Variants in SPAG16 observed in about 807,000 individuals in gnomAD.
SPAG16 encodes the protein sperm associated antigen 16.
Under a neutral mutation model 80.4 loss-of-function variants are expected in SPAG16, and 86 were observed. The ratio of observed to expected loss-of-function variants is 1.07; its 90% CI spans 0.90 to 1.28. The LOEUF (loss-of-function observed/expected upper bound fraction) is 1.28, where lower values mean the gene tolerates loss of function less well. Ranked by LOEUF, SPAG16 falls within the 50% of genes most tolerant of loss-of-function variation. The pLI, the probability that SPAG16 is intolerant of heterozygous loss-of-function variation, is 0.00. For synonymous variants in SPAG16, 294 were observed against 265.9 expected, an observed-to-expected ratio of 1.11 and a Z score of -1.03; for missense variants, 870 against 765.3, an observed-to-expected ratio of 1.14 and a Z score of -1.61.
At chr2:213,806,640 G>T (rs1236453964) in intron 10 of SPAG16, among the ~76,000 whole-genome samples, 2 of 151,944 alleles carry the variant, frequency 1.3e-5, no homozygotes, top group Non-Finnish European at 2.9e-5. Flanking sequence ...TCTTCCTAAA[G>T]GTAGTCATTG....
chr2:213,999,277 C>T (rs910673555), intron 12 of SPAG16, among the ~76,000 whole-genome samples: 1 of 152,186 alleles, frequency 6.6e-6, no homozygotes, highest in Admixed American at 6.5e-5. Flanking sequence ...TGCCCTGCAT[C>T]CCAGATGCTC....
At chr2:214,042,102 T>C (rs2049064622) in intron 13 of SPAG16, among the ~76,000 whole-genome samples, 3 of 149,944 alleles carry the variant, frequency 2.0e-5, no homozygotes, top group African/African-American at 7.3e-5. Flanking sequence ...TCTTTTTTTT[T>C]TGAGACAGAG....
At chr2:213,334,412 A>G (rs1388798141) in intron 5 of SPAG16, among the ~76,000 whole-genome samples, 2 of 152,174 alleles carry the variant, frequency 1.3e-5, no homozygotes, top group African/African-American at 4.8e-5. Flanking sequence ...TCAAAAATCT[A>G]AAAATAGATC....
chr2:213,306,945 T>G (rs1466252031), intron 3 of SPAG16, among the ~76,000 whole-genome samples: 1 of 152,228 alleles, frequency 6.6e-6, no homozygotes, highest in Non-Finnish European at 1.5e-5. Flanking sequence ...TTGGTTCTTA[T>G]GAAGTTGCCT....
At chr2:213,770,823 C>T (rs926661909) in intron 10 of SPAG16, among the ~76,000 whole-genome samples, 7 of 152,116 alleles carry the variant, frequency 4.6e-5, no homozygotes, top group African/African-American at 7.2e-5. Flanking sequence ...CATAGTATTC[C>T]ATAGTGTATA....
Position 213,288,471 on chromosome 2 carries a change from A to ATT in SPAG16, c.136+3864_136+3865dup, listed in dbSNP as rs11459677. On this transcript the variant is annotated intron_variant, in intron 1 of 15. Coordinates refer to ENST00000331683, the MANE Select transcript of SPAG16 (RefSeq NM_024532.5). The stretch of plus-strand genomic sequence containing the variant: ...AGGCATCTGCCACCACACCTGGCTA[A>ATT]TTTTTTTTTTTTTGTATTTTCAGTA... Among the ~76,000 whole-genome samples, 28 of 143,068 alleles carry ATT rather than the reference A, an allele frequency of 2.0e-4. 1 individual carries two copies. The highest frequency in any genetic ancestry group is 5.5e-4 in the Admixed American group (8 of 14,466). The allele number at this position is 143,068 out of a possible 152,430, so 93.9% of individuals were successfully genotyped here. A position where few individuals can be genotyped will look rare whatever the true frequency, so the allele number is the denominator to read the frequency against.
At chr2:213,611,661 G>A (rs1007824996) in intron 10 of SPAG16, among the ~76,000 whole-genome samples, 1 of 152,054 alleles carries the variant, frequency 6.6e-6, no homozygotes. Context: ...AATGTCCAGG[G>A]TAAATGGAGT....
intron 10 of SPAG16, among the ~76,000 whole-genome samples, chr2:213,502,096 A>T (rs533536163): frequency 3.9e-5 from 6 of 152,126 alleles, no homozygotes; most frequent in Non-Finnish European, 7.4e-5. Flanking sequence ...TAAAACCTTT[A>T]AAAAAAATTC....
intron 10 of SPAG16, among the ~76,000 whole-genome samples, chr2:213,677,081 A>T (rs984620888): frequency 6.6e-6 from 1 of 152,062 alleles, no homozygotes; most frequent in African/African-American, 2.4e-5. Context: ...GTCTATTCAG[A>T]GATTCAACTT....
chr2:214,406,835 T>C (rs1176788985), intron 15 of SPAG16, among the ~76,000 whole-genome samples: 1 of 152,244 alleles, frequency 6.6e-6, no homozygotes, highest in East Asian at 1.9e-4. Flanking sequence ...AGAAAAGGTA[T>C]TGATTTACTA....
chr2:214,273,640 G>A (rs1692210361), intron 15 of SPAG16, among the ~76,000 whole-genome samples: 1 of 152,090 alleles, frequency 6.6e-6, no homozygotes, highest in African/African-American at 2.4e-5. Flanking sequence ...CCTCTGTTCT[G>A]TTCCATTGGT....
chr2:213,941,838 A>G lies in SPAG16; in HGVS notation c.1400+11693A>G, dbSNP rs546783504. On this transcript the variant is annotated intron_variant, in intron 12 of 15. Coordinates refer to ENST00000331683, the MANE Select transcript of SPAG16 (RefSeq NM_024532.5). The stretch of plus-strand genomic sequence containing the variant: ...GCTGTCATCCTTGTTTGCAATGTGG[A>G]TATTGAATCCAAGCAGAAAGTCCAG... 2.6e-5 allele frequency among the ~76,000 whole-genome samples: 4 copies of G among 152,178 alleles called. No individual in the cohort carries two copies. The East Asian group carries it at 5.8e-4, about 22-fold the overall frequency.
chr2:213,690,864 G>C (rs1318094174), intron 10 of SPAG16, among the ~76,000 whole-genome samples: 1 of 152,134 alleles, frequency 6.6e-6, no homozygotes, highest in Non-Finnish European at 1.5e-5. Context: ...GGGCTGCACT[G>C]TTGGCTTCCC....
chr2:213,975,705 A>G (rs1445182299), intron 12 of SPAG16, among the ~76,000 whole-genome samples: 3 of 152,060 alleles, frequency 2.0e-5, no homozygotes, highest in Non-Finnish European at 1.5e-5. Context: ...GAAAAATTCT[A>G]CCAAAATAGG....
Position 213,793,792 on chromosome 2 carries a change from T to C in SPAG16, c.1071-68693T>C, listed in dbSNP as rs965025325. On this transcript the variant is annotated intron_variant, in intron 10 of 15. Coordinates refer to ENST00000331683, the MANE Select transcript of SPAG16 (RefSeq NM_024532.5). ...AGTTTCTTCGCTCTGTGGTCCAGTT[T>C]GGATATCCCAGAAGTCATAAAGTAT... 1.6e-4 allele frequency among the ~76,000 whole-genome samples: 25 copies of C among 152,330 alleles called. 1 individual carries two copies. The highest frequency in any genetic ancestry group is 5.5e-4 in the African/African-American group (23 of 41,584).
chr2:214,143,234 GTTTTTTT>G (rs59910884), intron 14 of SPAG16, among the ~76,000 whole-genome samples: 9 of 112,672 alleles, frequency 8.0e-5, no homozygotes, highest in Non-Finnish European at 1.3e-4. Context: ...ATAGTTTTGG[GTTTTTTT>G]TTTTTTTTTT....
chr2:213,610,461 C>T lies in SPAG16; in HGVS notation c.1070+120371C>T, dbSNP rs993260692. Among the ~76,000 whole-genome samples the T allele has an allele frequency of 2.0e-5, 3 of 152,194 alleles. No homozygotes were observed. In the South Asian group the frequency reaches 6.2e-4, roughly 32 times the overall value. On this transcript the variant is annotated intron_variant, in intron 10 of 15. Coordinates refer to ENST00000331683, the MANE Select transcript of SPAG16 (RefSeq NM_024532.5). ...AGATTTCGTCTACATAACCAGACCA[C>T]TTTTGCTGGCCAGACCTCCTGTTCT...
intron 10 of SPAG16, among the ~76,000 whole-genome samples, chr2:213,765,652 T>C (rs1033496403): frequency 6.6e-6 from 1 of 152,202 alleles, no homozygotes. Context: ...TCTTCCAGTA[T>C]ATACTCATTC....
Position 214,071,208 on chromosome 2 carries a change from T to C in SPAG16, c.1528-36988T>C, listed in dbSNP as rs369005692. 4.0e-4 allele frequency among the ~76,000 whole-genome samples: 61 copies of C among 152,236 alleles called. 1 individual carries two copies. The South Asian group carries it at 0.012, about 31-fold the overall frequency. On this transcript the variant is annotated intron_variant, in intron 13 of 15. Transcript: ENST00000331683. ...GTGGAGTATCTCAGGAATATAGTTATACAGCTAGGAAGATCTTCAATAGCA... is the reference window on the plus strand; with the variant it reads ...GTGGAGTATCTCAGGAATATAGTTACACAGCTAGGAAGATCTTCAATAGCA...
Sources: gnomAD v4.1 joint callset for allele counts (sites outside exome capture counted in the v4.1 genomes callset) on GRCh38, gnomAD v4.1.1 for gene constraint, MANE v1.5 for transcripts, NCBI Gene and HGNC (gene_info 2026-07-23, HGNC 2026-07-21) for gene names.